The following RNF215 variants were observed in gnomAD, a reference collection of about 807,000 sequenced individuals.
RNF215 encodes ring finger protein 215.
In RNF215, 41 loss-of-function variants were observed where a neutral mutation model predicts 44.8. That is an observed-to-expected ratio of 0.92 (90% CI 0.71 to 1.19). The LOEUF is 1.19. Ranked by LOEUF, RNF215 falls within the 50% of genes most tolerant of loss-of-function variation. The pLI, the probability that RNF215 is intolerant of heterozygous loss-of-function variation, is 0.00. For missense variants in RNF215, 452 were observed against 496.2 expected, an observed-to-expected ratio of 0.91 and a Z score of 0.85; for synonymous variants, 218 against 230.1, an observed-to-expected ratio of 0.95 and a Z score of 0.48.
In RNF215 at chr22:30,379,719, T is replaced by C. The variant is rs1019350701; in HGVS notation, c.1103A>G (p.Asn368Ser). The stretch of plus-strand genomic sequence containing the variant: ...CCACCCCTGGTGCTCACCCAGGACG[T>C]TGAATTTGCACAGTGGGCAGGTCTG... ...LQQTCPLCKF[N>S]VLGNRYSDD is the part of the protein sequence containing the mutation. The change falls in exon 8 of 9, where the codon AAC (asparagine) becomes AGC (serine). Residue 368 changes from asparagine (N) to serine (S), a missense_variant. By Grantham distance (46) the Asn-to-Ser change is conservative (BLOSUM62 1). Transcript: ENST00000382363. 6.4e-7 allele frequency: 1 copy of C among 1,558,972 alleles called. No homozygotes were observed. Among genetic ancestry groups the C allele is most frequent in the Non-Finnish European group, 8.7e-7 (1 of 1,151,520 alleles).
chr22:30,380,464 C>CT lies in RNF215; in HGVS notation c.745-64dup. The CT allele has an allele frequency of 6.5e-7, 1 of 1,530,648 alleles. No homozygotes were observed. The highest frequency in any genetic ancestry group is 8.8e-7 in the Non-Finnish European group (1 of 1,137,956). The allele number at this position is 1,530,648 out of a possible 1,614,324, so 94.8% of individuals were successfully genotyped here. ...CCCCACACGCCTCCCTTAGGAACATCTACCCCCAGGAACGCCAGGGAGCAG... is the reference window on the plus strand; with the variant it reads ...CCCCACACGCCTCCCTTAGGAACATCTTACCCCCAGGAACGCCAGGGAGCAG... On this transcript the variant is annotated intron_variant, in intron 5 of 8. Transcript: ENST00000382363. The surrounding 1 kb of genome is among the most constrained non-coding windows in gnomAD (Gnocchi z 5.3).
Position 30,379,554 on chromosome 22 carries a change from G to A in RNF215, c.*46C>T, listed in dbSNP as rs199809869. Reference sequence around the variant, plus strand: ...GGGAGCCCAGGCTGAGGACCGGGGTGCAGGCAGGAAGGGTCCATCCCCATG... The same window carrying A: ...GGGAGCCCAGGCTGAGGACCGGGGTACAGGCAGGAAGGGTCCATCCCCATG... On this transcript the variant is annotated 3_prime_UTR_variant, in exon 9 of 9. Coordinates refer to ENST00000382363, the MANE Select transcript of RNF215 (RefSeq NM_001017981.2). 1.3e-5 allele frequency: 20 copies of A among 1,546,326 alleles called. No homozygotes were observed. The highest frequency in any genetic ancestry group is 5.5e-5 in the African/African-American group (4 of 73,106).
chr22:30,387,401 G>A lies in RNF215; in HGVS notation c.-88C>T. The A allele has an allele frequency of 1.2e-6, 1 of 847,294 alleles. No homozygotes were observed. Among genetic ancestry groups the A allele is most frequent in the Non-Finnish European group, 1.4e-6 (1 of 695,810 alleles). The allele number at this position is 847,294 out of a possible 1,614,324, so 52.5% of individuals were successfully genotyped here. On this transcript the variant is annotated 5_prime_UTR_variant, in exon 1 of 9. Coordinates refer to ENST00000382363, the MANE Select transcript of RNF215 (RefSeq NM_001017981.2). ...AGGGAGCGAGGCCGCTGCCGGACGG[G>A]GCGGGGCGCCGGGAGGGGCGGGGCC... is the stretch of plus-strand genomic sequence containing the variant.
chr22:30,385,929 T>C lies in RNF215; in HGVS notation c.562A>G (p.Thr188Ala). Residue 188 changes from threonine to alanine, a missense_variant, in exon 4 of 9, where the codon ACC becomes GCC. Physicochemically the swap from Thr to Ala is moderately conservative, Grantham distance 58 (BLOSUM62 0). Coordinates refer to ENST00000382363, the MANE Select transcript of RNF215 (RefSeq NM_001017981.2). ...TGCAGCAATGCATCCAACAGCTTGG[T>C]GACATTGGAGGAATAATGGAGGACG... ...VIVLHYSSNV[T>A]KLLDALLQRT... 1 of 1,613,942 alleles carries C rather than the reference T, an allele frequency of 6.2e-7. No individual in the cohort carries two copies. The highest frequency in any genetic ancestry group is 8.5e-7 in the Non-Finnish European group (1 of 1,179,944).
intron 7 of RNF215, 122 bp from the exon 8 acceptor site, chr22:30,379,935 G>A (rs1933500790): frequency 4.5e-6 from 7 of 1,540,406 alleles, no homozygotes; most frequent in Non-Finnish European, 6.2e-6. Context: ...CCACCCCCCT[G>A]AAATTCTGCT....
chr22:30,381,974 T>A (rs1601758113), intron 5 of RNF215, among the ~76,000 whole-genome samples: 2 of 152,200 alleles, frequency 1.3e-5, no homozygotes, highest in South Asian at 4.1e-4. Flanking sequence ...AGTGACAGCA[T>A]GTCTCTGGCC....
chr22:30,385,309 C>A (rs1278851220), intron 4 of RNF215, among the ~76,000 whole-genome samples: 1 of 151,244 alleles, frequency 6.6e-6, no homozygotes, highest in Non-Finnish European at 1.5e-5. Context: ...GTAGTCCCAG[C>A]TACTTGGGAG....
In RNF215 at chr22:30,379,229, G is replaced by A. The variant is rs1933483532; in HGVS notation, c.*371C>T. ...TGGCCACTGTAGTCTCAGCCCCCAG[G>A]AATTCCCAGACAGGCCACAGGGAGC... is the stretch of plus-strand genomic sequence containing the variant. On this transcript the variant is annotated 3_prime_UTR_variant, in exon 9 of 9. Transcript: ENST00000382363. The A allele has an allele frequency of 3.7e-6, 1 of 273,098 alleles. No individual in the cohort carries two copies. The highest frequency in any genetic ancestry group is 4.8e-5 in the Admixed American group (1 of 20,864). The allele number at this position is 273,098 out of a possible 1,614,324, so 16.9% of individuals were successfully genotyped here. A position where few individuals can be genotyped will look rare whatever the true frequency, so the allele number is the denominator to read the frequency against.
At chr22:30,386,185 G>A in intron 2 of RNF215, 44 bp from the exon 3 acceptor site, 1 of 1,528,816 alleles carries the variant, frequency 6.5e-7, no homozygotes, top group Non-Finnish European at 8.9e-7. Flanking sequence ...TACCCTGCCT[G>A]CACACCTGTC....
At chr22:30,381,459 G>A (rs1411469836) in intron 5 of RNF215, among the ~76,000 whole-genome samples, 3 of 152,200 alleles carry the variant, frequency 2.0e-5, no homozygotes, top group Non-Finnish European at 2.9e-5. Context: ...CGGTGTGGCT[G>A]CTGCGCTCTG....
intron 5 of RNF215, among the ~76,000 whole-genome samples, chr22:30,383,091 T>C (rs1933550202): frequency 6.6e-6 from 1 of 152,116 alleles, no homozygotes; most frequent in African/African-American, 2.4e-5. Context: ...TCCTGATACA[T>C]GAGTGTTGCT....
rs776197822 is a variant in RNF215 at position 30,380,283 on chromosome 22, T to C, written c.863A>G (p.Gln288Arg). The C allele has an allele frequency of 2.5e-6, 4 of 1,610,718 alleles. No homozygotes were observed. The highest frequency in any genetic ancestry group is 2.2e-5 in the East Asian group (1 of 44,800). ...SRQSQRELGG[Q>R]VDLFKRRVVR... ...GGGCTCCCTGGGGCTGGCTCCCACC[T>C]GGCCTCCGAGCTCCCGCTGGCTCTG... The change falls in exon 6 of 9, where the codon CAG (glutamine) becomes CGG (arginine). Residue 288 changes from glutamine to arginine, a missense_variant and splice_region_variant. Transcript: ENST00000382363. This position sits in a 1 kb window ranked among gnomAD's most constrained non-coding sequence, Gnocchi z 5.3.
Position 30,379,693 on chromosome 22 carries a change from C to G in RNF215, c.1111+18G>C, listed in dbSNP as rs746600248. ...GAGCAGGCAGAGTAGGCCGAGGGAC[C>G]CCACCCCTGGTGCTCACCCAGGACG... On this transcript the variant is annotated intron_variant, in intron 8 of 8. Coordinates refer to ENST00000382363, the MANE Select transcript of RNF215 (RefSeq NM_001017981.2). 1 of 1,553,296 alleles carries G rather than the reference C, an allele frequency of 6.4e-7. No individual in the cohort carries two copies. The highest frequency in any genetic ancestry group is 1.2e-5 in the South Asian group (1 of 84,104).
rs746487656 is a variant in RNF215 at position 30,387,022 on chromosome 22, C to T, written c.285+7G>A. 4 of 1,541,556 alleles carry T rather than the reference C, an allele frequency of 2.6e-6. No homozygotes were observed. Among genetic ancestry groups the T allele is most frequent in the African/African-American group, 2.7e-5 (2 of 73,098 alleles). ...GTGATGCGGCCAGATGGCTCAGCAG[C>T]GCTCACCAGCAGCAGACGACCGCCC... On this transcript the variant is annotated splice_region_variant and intron_variant, in intron 1 of 8. Transcript: ENST00000382363.
In RNF215 at chr22:30,387,215, C is replaced by T; in HGVS notation, c.99G>A (p.Trp33Ter). 9.9e-7 allele frequency: 1 copy of T among 1,014,524 alleles called. No homozygotes were observed. The highest frequency in any genetic ancestry group is 4.5e-5 in the South Asian group (1 of 22,384). 62.8% of individuals were successfully genotyped at this position (1,014,524 alleles called of 1,614,324 possible). ...LLLLLPLLPL[W>*]LGLAGPGAAA... ...CGGCCCCGGGCCCCGCCAGGCCCAG[C>T]CACAGCGGCAGCAGGGGCAGCAGCA... The change falls in exon 1 of 9, where the codon TGG (tryptophan) becomes TGA (stop). Residue 33 changes from tryptophan (W) to a stop codon, truncating the protein, a stop_gained. Coordinates refer to ENST00000382363, the MANE Select transcript of RNF215 (RefSeq NM_001017981.2). LOFTEE classifies it high-confidence loss of function.
intron 1 of RNF215, 91 bp from the exon 2 acceptor site, chr22:30,386,850 C>T (rs1185875706): frequency 6.6e-7 from 1 of 1,517,176 alleles, no homozygotes; most frequent in East Asian, 2.3e-5. Flanking sequence ...GCCAGAGTTC[C>T]CAGAGCATCT....
rs1354081772 is a variant in RNF215 at position 30,387,219 on chromosome 22, A to AGCGGCAGCAGGG, written c.83_94dup (p.Pro28_Pro31dup). On this transcript the variant is annotated inframe_insertion, in exon 1 of 9. Transcript: ENST00000382363. ...CCCGGGCCCCGCCAGGCCCAGCCAC[A>AGCGGCAGCAGGG]GCGGCAGCAGGGGCAGCAGCAGCAG... 1.1e-5 allele frequency: 11 copies of AGCGGCAGCAGGG among 1,006,856 alleles called. 1 individual carries two copies. In the South Asian group the frequency reaches 3.6e-4, roughly 33 times the overall value. 62.4% of individuals were successfully genotyped at this position (1,006,856 alleles called of 1,614,324 possible).
At chr22:30,381,136 C>G (rs1171535590) in intron 5 of RNF215, among the ~76,000 whole-genome samples, 1 of 152,226 alleles carries the variant, frequency 6.6e-6, no homozygotes, top group Non-Finnish European at 1.5e-5. Context: ...GCTCTAGAAG[C>G]TCCCTGACCT....
chr22:30,380,000 C>T (rs1373522245), intron 7 of RNF215, 62 bp downstream of exon 7: 1 of 1,603,806 alleles, frequency 6.2e-7, no homozygotes, highest in Non-Finnish European at 8.5e-7. Context: ...TCCAAGGTCC[C>T]AGGAGTAAGG....
Sources: allele counts gnomAD v4.1 joint callset (sites outside exome capture counted in the v4.1 genomes callset), GRCh38; gene constraint gnomAD v4.1.1; non-coding constraint Gnocchi (gnomAD v3.1); transcripts MANE v1.5; gene names NCBI Gene and HGNC (gene_info 2026-07-23, HGNC 2026-07-21).